GPC6: variants seen among roughly 807,000 people sequenced by gnomAD.
GPC6 encodes glypican-6.
GPC6 carries 14 observed loss-of-function variants against 55.2 expected under a neutral mutation model. That is an observed-to-expected ratio of 0.25 (90% confidence interval 0.17 to 0.40). The LOEUF is 0.40. GPC6 is among the 10% of genes least tolerant of loss of function. The pLI, the probability that GPC6 is intolerant of heterozygous loss-of-function variation, is 1.00. For synonymous variants in GPC6, 278 were observed against 259.6 expected (o/e 1.07, Z -0.68); for missense variants, 641 against 708.5 (o/e 0.90, Z 1.08).
At position 94,180,984 on chromosome 13, in the gene GPC6, C is replaced by T. The variant is rs9561508; in HGVS notation, c.878-105365C>T. 2.0e-5 allele frequency among the ~76,000 whole-genome samples: 3 copies of T among 152,250 alleles called. No individual in the cohort carries two copies. In the East Asian group the frequency reaches 5.8e-4, roughly 29 times the overall value. On this transcript the variant is annotated intron_variant, in intron 4 of 8. Transcript: ENST00000377047. ...GCATCAGAAGCAGCAATTGGGCTTG[C>T]TAAAGCACAAATTGCTGGACCCATC...
rs202174319 is a variant in GPC6 at position 93,723,568 on chromosome 13, C to A, written c.320-106586C>A. 2.6e-5 allele frequency among the ~76,000 whole-genome samples: 4 copies of A among 152,126 alleles called. No homozygotes were observed. The East Asian group carries it at 7.8e-4, about 30-fold the overall frequency. The stretch of plus-strand genomic sequence containing the variant: ...AACTAAGCCACACTAAAATTTCTGA[C>A]CTATAGGAACTGTGGCATAAGGAAT... On this transcript the variant is annotated intron_variant, in intron 2 of 8. Coordinates refer to ENST00000377047, the MANE Select transcript of GPC6 (RefSeq NM_005708.5).
chr13:93,862,117 T>TGACAG (rs1328988902), intron 3 of GPC6, among the ~76,000 whole-genome samples: 5 of 151,668 alleles, frequency 3.3e-5, no homozygotes, highest in African/African-American at 9.7e-5. Flanking sequence ...TTTTCAGAAA[T>TGACAG]GACAGCACAG....
chr13:93,988,614 T>C (rs1310953145), intron 3 of GPC6, among the ~76,000 whole-genome samples: 2 of 152,122 alleles, frequency 1.3e-5, no homozygotes, highest in East Asian at 3.9e-4. Context: ...TGTTCTCATA[T>C]GGCGGAAGGG....
At chr13:93,674,575 A>G (rs1422317062) in intron 2 of GPC6, among the ~76,000 whole-genome samples, 2 of 152,228 alleles carry the variant, frequency 1.3e-5, no homozygotes, top group Non-Finnish European at 1.5e-5. Flanking sequence ...GACACAACAC[A>G]GGCATGTATC....
intron 6 of GPC6, among the ~76,000 whole-genome samples, chr13:94,369,820 T>TC (rs1305099444): frequency 3.9e-5 from 6 of 152,178 alleles, no homozygotes; most frequent in Admixed American, 3.9e-4. Context: ...GGGTTTTTTT[T>TC]CCCTAAAAGC....
chr13:93,482,167 T>G (rs1428688916), intron 1 of GPC6, among the ~76,000 whole-genome samples: 1 of 152,148 alleles, frequency 6.6e-6, no homozygotes, highest in African/African-American at 2.4e-5. Flanking sequence ...CCTAATTTCA[T>G]TTTCAGGTTC....
intron 4 of GPC6, among the ~76,000 whole-genome samples, chr13:94,171,754 T>A (rs1390797572): frequency 6.6e-6 from 1 of 152,234 alleles, no homozygotes; most frequent in African/African-American, 2.4e-5. Flanking sequence ...TTTCATGGCA[T>A]GTAGCTGCAG....
intron 4 of GPC6, among the ~76,000 whole-genome samples, chr13:94,058,884 G>A (rs1884224495): frequency 6.6e-6 from 1 of 152,166 alleles, no homozygotes; most frequent in Non-Finnish European, 1.5e-5. Flanking sequence ...ATGTAGACAA[G>A]TCCCTGAATG....
intron 2 of GPC6, among the ~76,000 whole-genome samples, chr13:93,574,577 C>T (rs548231713): frequency 5.9e-5 from 9 of 152,188 alleles, no homozygotes; most frequent in Non-Finnish European, 8.8e-5. Flanking sequence ...CCCTAGGAAA[C>T]GACTACACAT....
chr13:93,630,957 C>G (rs999202136), intron 2 of GPC6, among the ~76,000 whole-genome samples: 3 of 152,052 alleles, frequency 2.0e-5, no homozygotes, highest in Admixed American at 2.0e-4. Context: ...AGAGTGGGCC[C>G]TAATCCAATC....
At chr13:93,318,442 A>G (rs532944685) in intron 1 of GPC6, among the ~76,000 whole-genome samples, 7 of 152,154 alleles carry the variant, frequency 4.6e-5, no homozygotes, top group Non-Finnish European at 7.4e-5. Context: ...TCTAACATAG[A>G]AAAAAGAATA....
intron 3 of GPC6, among the ~76,000 whole-genome samples, chr13:93,895,877 G>T (rs1252609383): frequency 6.6e-6 from 1 of 152,062 alleles, no homozygotes; most frequent in Non-Finnish European, 1.5e-5. Flanking sequence ...TTACCAGAGG[G>T]TGGGAAGAGC....
intron 1 of GPC6, among the ~76,000 whole-genome samples, chr13:93,425,879 C>T (rs1243545768): frequency 5.3e-5 from 8 of 152,138 alleles, no homozygotes; most frequent in Non-Finnish European, 8.8e-5. Context: ...AATACCCTCC[C>T]TACCCACTCC....
At chr13:93,837,212 C>G (rs923546907) in intron 3 of GPC6, among the ~76,000 whole-genome samples, 1 of 152,108 alleles carries the variant, frequency 6.6e-6, no homozygotes, top group African/African-American at 2.4e-5. Context: ...AGTTATATTA[C>G]TTCATGGTAA....
intron 3 of GPC6, among the ~76,000 whole-genome samples, chr13:93,835,560 C>A (rs1887700692): frequency 2.0e-5 from 3 of 152,160 alleles, no homozygotes; most frequent in Non-Finnish European, 4.4e-5. Context: ...TGAGACCAGC[C>A]TGACCAACAT....
chr13:94,274,907 A>G (rs1200602391), intron 4 of GPC6, among the ~76,000 whole-genome samples: 1 of 152,202 alleles, frequency 6.6e-6, no homozygotes, highest in Non-Finnish European at 1.5e-5. Flanking sequence ...CATCTACATT[A>G]TAACACATCA....
intron 1 of GPC6, among the ~76,000 whole-genome samples, chr13:93,459,605 G>A (rs1268522132): frequency 6.6e-6 from 1 of 152,138 alleles, no homozygotes; most frequent in Non-Finnish European, 1.5e-5. Flanking sequence ...TTCAGAGAAA[G>A]TATGGGTCCC....
intron 6 of GPC6, among the ~76,000 whole-genome samples, chr13:94,352,937 A>G (rs1473299285): frequency 1.3e-5 from 2 of 152,214 alleles, no homozygotes; most frequent in Non-Finnish European, 2.9e-5. Context: ...TCTGCTTAGT[A>G]TCTGGAGAAC....
At chr13:94,165,921 A>G (rs1888352761) in intron 4 of GPC6, among the ~76,000 whole-genome samples, 1 of 152,166 alleles carries the variant, frequency 6.6e-6, no homozygotes, top group Non-Finnish European at 1.5e-5. Flanking sequence ...ACAAATACAT[A>G]TTTTGTGTAT....
Sources: gnomAD v4.1 joint callset for allele counts (sites outside exome capture counted in the v4.1 genomes callset) on GRCh38, gnomAD v4.1.1 for gene constraint, MANE v1.5 for transcripts, NCBI Gene and HGNC (gene_info 2026-07-23, HGNC 2026-07-21) for gene names.